Variants in DMD observed in about 807,000 individuals in gnomAD.
DMD encodes mutant dystrophin.
DMD carries 63 observed loss-of-function variants against 330.1 expected under a neutral mutation model. That is an observed-to-expected ratio of 0.19 (90% CI 0.16 to 0.24). The LOEUF (loss-of-function observed/expected upper bound fraction) is 0.24. Among genes scored for constraint, DMD ranks in the 10% least tolerant of loss-of-function variants. The probability of loss-of-function intolerance (pLI) is 1.00; values close to 1 mark genes in which losing one functional copy is unlikely to be tolerated. For synonymous variants in DMD, 1,223 were observed against 959.8 expected, an observed-to-expected ratio of 1.27 and a Z score of -5.07; for missense variants, 3,344 against 2,684.1, an observed-to-expected ratio of 1.25 and a Z score of -5.43.
rs772442692 is a variant in DMD, at chrX:31,120,270, TTTTG to T, written c.*1645_*1648del. 4.4e-4 allele frequency: 49 copies of T among 112,214 alleles called. No individual in the cohort carries two copies. The highest frequency in any genetic ancestry group is 1.4e-3 in the African/African-American group (42 of 30,883). The allele number at this position is 112,214 out of a possible 1,213,427, so 9.2% of individuals were successfully genotyped here. On this transcript the variant is annotated 3_prime_UTR_variant, in exon 79 of 79. Coordinates refer to ENST00000357033, the MANE Select transcript of DMD (RefSeq NM_004006.3). ...GCTTTTCTCCTCTTTTTTGAGCAAT[TTTTG>T]TTTGTTTGTTTATATATTTAACCTG... is the stretch of plus-strand genomic sequence containing the variant.
At chrX:31,154,455 G>T (rs2037855266) in intron 74 of DMD, among the ~76,000 whole-genome samples, 1 of 104,011 alleles carries the variant, frequency 9.6e-6, no homozygotes, top group Non-Finnish European at 1.9e-5. Context: ...ACCACGCCCG[G>T]CTTTTTTTTT....
intron 1 of DMD, among the ~76,000 whole-genome samples, chrX:33,067,896 G>A (rs1290475553): frequency 9.0e-6 from 1 of 111,447 alleles, no homozygotes; most frequent in Non-Finnish European, 1.9e-5. Flanking sequence ...TCTTTAGTGA[G>A]ATGAACTGTT....
intron 62 of DMD, among the ~76,000 whole-genome samples, chrX:31,284,152 A>G (rs776602526): frequency 4.5e-5 from 5 of 111,874 alleles, no homozygotes; most frequent in Non-Finnish European, 9.4e-5. Context: ...TACTGTACTG[A>G]AAGTGAAAAA....
At chrX:33,129,617 A>AT (rs200389574) in intron 1 of DMD, among the ~76,000 whole-genome samples, 3,130 of 105,687 alleles carry the variant, frequency 0.03, 127 homozygotes, top group African/African-American at 0.1. Flanking sequence ...AATGTGACTG[A>AT]TTTTTTTTTT....
intron 62 of DMD, among the ~76,000 whole-genome samples, chrX:31,275,158 TGTGTGTG>T (rs2051998339): frequency 4.5e-3 from 52 of 11,624 alleles, no homozygotes; most frequent in Middle Eastern, 0.036. Context: ...TCAGGTTTTG[TGTGTGTG>T]TGTGTGTGTG....
intron 1 of DMD, among the ~76,000 whole-genome samples, chrX:33,288,173 T>C (rs992653080): frequency 5.4e-5 from 6 of 111,722 alleles, no homozygotes; most frequent in African/African-American, 1.6e-4. Context: ...TTCGAAGTGG[T>C]GATGTAATAT....
At chrX:31,546,048 C>T (rs778874360) in intron 55 of DMD, among the ~76,000 whole-genome samples, 9 of 111,557 alleles carry the variant, frequency 8.1e-5, no homozygotes, top group African/African-American at 2.6e-4. Flanking sequence ...AAGATTGGGT[C>T]GACAAAAATC....
intron 2 of DMD, among the ~76,000 whole-genome samples, chrX:32,986,877 T>C (rs751397917): frequency 5.3e-5 from 6 of 112,591 alleles, no homozygotes; most frequent in Non-Finnish European, 5.6e-5. Flanking sequence ...AGTGAACTGT[T>C]TGAGAAGACA....
intron 50 of DMD, among the ~76,000 whole-genome samples, chrX:31,809,930 T>C (rs1448518715): frequency 9.0e-6 from 1 of 111,194 alleles, no homozygotes; most frequent in African/African-American, 3.3e-5. Flanking sequence ...TCAGGAGATG[T>C]GGGGTTGGGT....
At chrX:31,298,846 T>C (rs1045310475) in intron 62 of DMD, among the ~76,000 whole-genome samples, 1 of 112,025 alleles carries the variant, frequency 8.9e-6, no homozygotes, top group African/African-American at 3.2e-5. Context: ...TGATCCACAT[T>C]GCAATTTTTA....
Position 31,120,198 on chromosome X carries a change from T to C in DMD, c.*1721A>G, listed in dbSNP as rs1288562398. ...AAAATCAAAAAGAAATAAAATGGCA[T>C]GAAAGAGTAAAGCTTTTTCCTACCA... On this transcript the variant is annotated 3_prime_UTR_variant, in exon 79 of 79. Coordinates refer to ENST00000357033, the MANE Select transcript of DMD (RefSeq NM_004006.3). 1 of 112,026 alleles carries C rather than the reference T, an allele frequency of 8.9e-6. No homozygotes were observed. Among genetic ancestry groups the C allele is most frequent in the African/African-American group, 3.2e-5 (1 of 30,968 alleles). 9.2% of individuals were successfully genotyped at this position (112,026 alleles called of 1,213,427 possible).
At chrX:31,758,810 AT>A (rs763949653) in intron 51 of DMD, among the ~76,000 whole-genome samples, 5 of 112,117 alleles carry the variant, frequency 4.5e-5, no homozygotes, top group Non-Finnish European at 9.4e-5. Flanking sequence ...ATAACGTAAA[AT>A]ACTACTATGA....
intron 9 of DMD, among the ~76,000 whole-genome samples, chrX:32,695,309 G>C (rs1196353432): frequency 8.9e-6 from 1 of 111,905 alleles, no homozygotes; most frequent in Non-Finnish European, 1.9e-5. Context: ...ATTTAAAACA[G>C]AGACAAAAGC....
intron 29 of DMD, among the ~76,000 whole-genome samples, chrX:32,436,502 G>A (rs746008720): frequency 2.7e-5 from 3 of 111,536 alleles, no homozygotes; most frequent in East Asian, 2.8e-4. Flanking sequence ...TTCTTTGGGG[G>A]AAATGTCAGG....
chrX:32,313,954 T>C (rs957811888), intron 41 of DMD, among the ~76,000 whole-genome samples: 1 of 111,348 alleles, frequency 9.0e-6, no homozygotes, highest in African/African-American at 3.3e-5. Flanking sequence ...ATCAATAACA[T>C]GAAAATGGCC....
chrX:33,009,434 GTATACACATATGTATGTA>G (rs2093554062), intron 2 of DMD, among the ~76,000 whole-genome samples: 1 of 28,848 alleles, frequency 3.5e-5, no homozygotes, highest in Non-Finnish European at 6.8e-5. Context: ...ATATGTATGT[GTATACACATATGTATGTA>G]TGTGTATACA....
chrX:31,232,972 T>C (rs12840452), intron 63 of DMD, among the ~76,000 whole-genome samples: 9,911 of 112,060 alleles, frequency 0.088, 442 homozygotes, highest in African/African-American at 0.17. Context: ...TTGCCACCTT[T>C]ATCTCCAGAA....
chrX:33,004,450 C>T (rs1255546471), intron 2 of DMD, among the ~76,000 whole-genome samples: 4 of 110,869 alleles, frequency 3.6e-5, no homozygotes, highest in African/African-American at 9.8e-5. Flanking sequence ...CCAGACCTTC[C>T]CAGCTGATAG....
At chrX:31,966,360 TTTA>T (rs2095351292) in intron 45 of DMD, among the ~76,000 whole-genome samples, 1 of 111,392 alleles carries the variant, frequency 9.0e-6, no homozygotes, top group Non-Finnish European at 1.9e-5. Context: ...GTACTTATAT[TTTA>T]TTACATTTTT....
Sources: allele counts gnomAD v4.1 joint callset (sites outside exome capture counted in the v4.1 genomes callset), GRCh38; gene constraint gnomAD v4.1.1; transcripts MANE v1.5; gene names NCBI Gene and HGNC (gene_info 2026-07-23, HGNC 2026-07-21).